Variants in ZNF626 observed in about 807,000 individuals in gnomAD.
ZNF626 encodes the protein CTC-513N18.7.
A neutral mutation model predicts 11.7 loss-of-function variants in ZNF626; 4 were observed. The ratio of observed to expected loss-of-function variants is 0.34; its 90% CI spans 0.17 to 0.78. The LOEUF (loss-of-function observed/expected upper bound fraction) is 0.78, where lower values mean the gene tolerates loss of function less well. Among genes scored for constraint, ZNF626 ranks in the 30% least tolerant of loss-of-function variants. The pLI is 0.57. For missense variants in ZNF626, 588 were observed against 587.1 expected (o/e 1.00, Z -0.01); for synonymous variants, 179 against 198.6 (o/e 0.90, Z 0.83).
intron 1 of ZNF626, among the ~76,000 whole-genome samples, chr19:20,650,907 G>A (rs1048076995): frequency 1.3e-5 from 2 of 152,054 alleles, no homozygotes; most frequent in African/African-American, 4.8e-5. Flanking sequence ...ATAGAAATAC[G>A]GCTGGGCCTG....
At chr19:20,641,925 A>C (rs1406001658) in intron 3 of ZNF626, among the ~76,000 whole-genome samples, 3 of 46,998 alleles carry the variant, frequency 6.4e-5, no homozygotes, top group African/African-American at 3.8e-4. Context: ...AACAATGTTT[A>C]AAAAAAAAAA....
chr19:20,638,162 C>T (rs1026552816), intron 3 of ZNF626, among the ~76,000 whole-genome samples: 3 of 151,724 alleles, frequency 2.0e-5, no homozygotes, highest in Admixed American at 1.3e-4. Flanking sequence ...GTGGCTCATG[C>T]CTGTAATCCC....
intron 3 of ZNF626, among the ~76,000 whole-genome samples, chr19:20,628,027 G>C (rs1235816282): frequency 2.0e-5 from 3 of 152,098 alleles, no homozygotes; most frequent in Admixed American, 1.3e-4. Context: ...AGAACATGCG[G>C]TGTTTGGTTT....
chr19:20,635,591 G>A (rs1452684793), intron 3 of ZNF626, among the ~76,000 whole-genome samples: 4 of 152,074 alleles, frequency 2.6e-5, no homozygotes, highest in Non-Finnish European at 4.4e-5. Flanking sequence ...AAAGTGACGG[G>A]ATTACAGGCA....
At chr19:20,628,288 T>A (rs1240051740) in intron 3 of ZNF626, among the ~76,000 whole-genome samples, 1 of 152,230 alleles carries the variant, frequency 6.6e-6, no homozygotes, top group African/African-American at 2.4e-5. Context: ...CCTTTGGGTA[T>A]ATACCCAGTA....
chr19:20,659,622 T>G (rs1056073732), intron 1 of ZNF626, among the ~76,000 whole-genome samples: 1 of 152,004 alleles, frequency 6.6e-6, no homozygotes, highest in Non-Finnish European at 1.5e-5. Context: ...CCATCTCCAA[T>G]GTAGGAGAAA....
chr19:20,626,523 G>T (rs1053506350), intron 3 of ZNF626, among the ~76,000 whole-genome samples: 1 of 152,132 alleles, frequency 6.6e-6, no homozygotes, highest in African/African-American at 2.4e-5. Context: ...TTTGAGACCA[G>T]CCTGGCCAAC....
chr19:20,654,511 A>C (rs1414106941), intron 1 of ZNF626, among the ~76,000 whole-genome samples: 1 of 151,702 alleles, frequency 6.6e-6, no homozygotes, highest in Non-Finnish European at 1.5e-5. Context: ...GATTGAGACC[A>C]TCCTGGCTAA....
At chr19:20,627,093 GATA>G (rs1249125479) in intron 3 of ZNF626, among the ~76,000 whole-genome samples, 8 of 151,170 alleles carry the variant, frequency 5.3e-5, no homozygotes, top group Middle Eastern at 3.4e-3. Flanking sequence ...TAAAAATGAG[GATA>G]ATAATAAGAA....
At chr19:20,640,500 A>G (rs1009521135) in intron 3 of ZNF626, among the ~76,000 whole-genome samples, 10 of 151,500 alleles carry the variant, frequency 6.6e-5, no homozygotes, top group Non-Finnish European at 1.2e-4. Flanking sequence ...ATTACATGTG[A>G]CAGAAATTAA....
At position 20,630,093 on chromosome 19, in the gene ZNF626, G is replaced by T. The variant is rs368339291; in HGVS notation, c.227-4443C>A. 2.6e-5 allele frequency among the ~76,000 whole-genome samples: 4 copies of T among 152,230 alleles called. 1 individual carries two copies. The highest frequency in any genetic ancestry group is 9.6e-5 in the African/African-American group (4 of 41,548). On this transcript the variant is annotated intron_variant, in intron 3 of 3. Coordinates refer to ENST00000601440, the MANE Select transcript of ZNF626 (RefSeq NM_001076675.3). ...TGCTGGAGTATGTTTATTGATTTGC[G>T]TATGTCGAACCAGCCTTGCATCCCA...
chr19:20,630,066 T>C (rs1969885647), intron 3 of ZNF626, among the ~76,000 whole-genome samples: 1 of 152,232 alleles, frequency 6.6e-6, no homozygotes, highest in Non-Finnish European at 1.5e-5. Flanking sequence ...GTTCTGTTTA[T>C]ATGCTGGAGT....
chr19:20,655,244 G>C (rs1970192659), intron 1 of ZNF626, among the ~76,000 whole-genome samples: 1 of 152,226 alleles, frequency 6.6e-6, no homozygotes, highest in African/African-American at 2.4e-5. Context: ...TTTATACCCT[G>C]AACTGTTCTT....
chr19:20,645,511 A>C, intron 3 of ZNF626, 173 bp downstream of exon 3: 1 of 1,570,442 alleles, frequency 6.4e-7, no homozygotes, highest in Non-Finnish European at 8.6e-7. Context: ...CCCCTTTGTA[A>C]GCAAAATTAA....
chr19:20,636,174 C>A (rs1196322155), intron 3 of ZNF626, among the ~76,000 whole-genome samples: 3 of 152,054 alleles, frequency 2.0e-5, no homozygotes, highest in African/African-American at 7.2e-5. Context: ...ACCTGTTACA[C>A]CATACCTACA....
chr19:20,661,378 C>A, intron 1 of ZNF626, 66 bp downstream of exon 1: 1 of 1,609,846 alleles, frequency 6.2e-7, no homozygotes, highest in Non-Finnish European at 8.5e-7. Flanking sequence ...AGTCCCGCCA[C>A]AGCCACTTTT....
intron 3 of ZNF626, among the ~76,000 whole-genome samples, chr19:20,627,529 C>G (rs1969851926): frequency 6.6e-6 from 1 of 151,854 alleles, no homozygotes; most frequent in South Asian, 2.1e-4. Context: ...AAAGGAAAGA[C>G]AAAGATATAA....
At position 20,624,787 on chromosome 19, in the gene ZNF626, T is replaced by C; in HGVS notation, c.1090A>G (p.Thr364Ala). The stretch of plus-strand genomic sequence containing the variant: ...TCACATTTGTAGGGTTTCTCTCCAG[T>C]ATGAATTCTCTTATGTGTAGTAAGG... ...STLTTHKRIHTGEKPYKCEEC... is the reference protein window; with the variant it reads ...STLTTHKRIHAGEKPYKCEEC... The change falls in exon 4 of 4, where the codon ACT becomes GCT. Residue 364 changes from threonine (T) to alanine (A), a missense_variant. Around this residue, in one of 4 missense-constraint regions of ZNF626, gnomAD observed 524 missense variants for 470.1 expected, o/e 1.11. Coordinates refer to ENST00000601440, the MANE Select transcript of ZNF626 (RefSeq NM_001076675.3). 6.2e-7 allele frequency: 1 copy of C among 1,613,700 alleles called. No individual in the cohort carries two copies. Among genetic ancestry groups the C allele is most frequent in the Non-Finnish European group, 8.5e-7 (1 of 1,179,980 alleles).
rs926429311 is a variant in ZNF626 at position 20,620,443 on chromosome 19, T to C, written c.*3847A>G. The C allele has an allele frequency of 5.3e-5, 8 of 152,222 alleles. No homozygotes were observed. Among genetic ancestry groups the C allele is most frequent in the Non-Finnish European group, 7.3e-5 (5 of 68,038 alleles). The allele number at this position is 152,222 out of a possible 1,614,324, so 9.4% of individuals were successfully genotyped here. A position where few individuals can be genotyped will look rare whatever the true frequency, so the allele number is the denominator to read the frequency against. ...AGGTTTATCTTCAGAGGAATATGTG[T>C]ATATTTCACTCTATGAAAATTAAAA... On this transcript the variant is annotated 3_prime_UTR_variant, in exon 4 of 4. Coordinates refer to ENST00000601440, the MANE Select transcript of ZNF626 (RefSeq NM_001076675.3).
Sources: allele counts gnomAD v4.1 joint callset (sites outside exome capture counted in the v4.1 genomes callset), GRCh38; gene constraint gnomAD v4.1.1; regional missense constraint gnomAD v4.1.1; transcripts MANE v1.5; gene names NCBI Gene and HGNC (gene_info 2026-07-23, HGNC 2026-07-21).